The following NRXN1 variants were observed in gnomAD, a reference collection of about 807,000 sequenced individuals.
NRXN1 encodes neurexin 1, also known as neurexin-1.
A neutral mutation model predicts 150.9 loss-of-function variants in NRXN1; 39 were observed. The ratio of observed to expected loss-of-function variants is 0.26; its 90% CI spans 0.20 to 0.34. NRXN1 has a LOEUF of 0.34. Ranked by LOEUF, NRXN1 falls within the 10% of genes least tolerant of loss-of-function variation. The pLI is 1.00. For synonymous variants in NRXN1, 924 were observed against 757.0 expected, an observed-to-expected ratio of 1.22 and a Z score of -3.62; for missense variants, 1,815 against 1,949.9, an observed-to-expected ratio of 0.93 and a Z score of 1.30.
At chr2:50,434,390 C>T (rs2104399092) in intron 17 of NRXN1, among the ~76,000 whole-genome samples, 1 of 152,014 alleles carries the variant, frequency 6.6e-6, no homozygotes, top group Non-Finnish European at 1.5e-5. Context: ...CCATCTTTTG[C>T]TTTTTCTATG....
chr2:50,362,709 C>G (rs1407005630), intron 17 of NRXN1, among the ~76,000 whole-genome samples: 1 of 152,142 alleles, frequency 6.6e-6, no homozygotes, highest in Non-Finnish European at 1.5e-5. Flanking sequence ...CATCAAGCTA[C>G]CATTGACTTC....
chr2:50,591,315 A>G (rs901096702), intron 8 of NRXN1, among the ~76,000 whole-genome samples: 3 of 152,058 alleles, frequency 2.0e-5, no homozygotes, highest in African/African-American at 7.2e-5. Context: ...TAGTATAAAG[A>G]CTCTGAAGCT....
chr2:50,935,499 C>A (rs1407655400), intron 2 of NRXN1, among the ~76,000 whole-genome samples: 1 of 152,186 alleles, frequency 6.6e-6, no homozygotes, highest in Admixed American at 6.5e-5. Context: ...CTTCGGGAGG[C>A]CAAGGCAGGC....
intron 18 of NRXN1, among the ~76,000 whole-genome samples, chr2:50,231,550 A>G (rs1009417976): frequency 6.6e-6 from 1 of 152,114 alleles, no homozygotes; most frequent in African/African-American, 2.4e-5. Context: ...CCAGCAAAGT[A>G]CAAAGAAGCA....
intron 18 of NRXN1, among the ~76,000 whole-genome samples, chr2:50,183,028 TA>T (rs1211362476): frequency 6.6e-6 from 1 of 152,122 alleles, no homozygotes; most frequent in Non-Finnish European, 1.5e-5. Flanking sequence ...ATATTGAGTC[TA>T]AACCTCCAAT....
At chr2:50,272,296 G>C (rs1021651756) in intron 17 of NRXN1, among the ~76,000 whole-genome samples, 1 of 152,182 alleles carries the variant, frequency 6.6e-6, no homozygotes, top group East Asian at 1.9e-4. Flanking sequence ...CCTACCATCT[G>C]CAAGTGGAGA....
chr2:50,413,229 C>T (rs1199710584), intron 17 of NRXN1, among the ~76,000 whole-genome samples: 2 of 152,146 alleles, frequency 1.3e-5, no homozygotes, highest in Non-Finnish European at 2.9e-5. Flanking sequence ...GATATAACAA[C>T]TTTACAGAAA....
chr2:50,355,125 G>A (rs2078699650), intron 17 of NRXN1, among the ~76,000 whole-genome samples: 1 of 151,854 alleles, frequency 6.6e-6, no homozygotes, highest in Non-Finnish European at 1.5e-5. Context: ...ATATGTTGTA[G>A]AGCATATACT....
At chr2:50,728,823 C>G (rs992759913) in intron 5 of NRXN1, among the ~76,000 whole-genome samples, 13 of 152,100 alleles carry the variant, frequency 8.5e-5, no homozygotes, top group African/African-American at 2.4e-4. Context: ...TAAATGAAGA[C>G]TGGTATGTTT....
intron 18 of NRXN1, among the ~76,000 whole-genome samples, chr2:50,114,244 A>G (rs1183827422): frequency 1.3e-5 from 2 of 152,198 alleles, no homozygotes; most frequent in East Asian, 3.8e-4. Flanking sequence ...AATGGCAAAT[A>G]CATACATGAA....
chr2:50,796,385 C>T (rs771125316), intron 5 of NRXN1, among the ~76,000 whole-genome samples: 4 of 152,078 alleles, frequency 2.6e-5, no homozygotes, highest in South Asian at 2.1e-4. Context: ...TCTGGCCACA[C>T]GGGTAATATA....
At chr2:50,938,945 C>A (rs1295698520) in intron 2 of NRXN1, among the ~76,000 whole-genome samples, 1 of 152,112 alleles carries the variant, frequency 6.6e-6, no homozygotes, top group Non-Finnish European at 1.5e-5. Context: ...AGCGCGGTGG[C>A]TCATGCCTAT....
chr2:50,274,215 T>C (rs1009153569), intron 17 of NRXN1, among the ~76,000 whole-genome samples: 4 of 152,166 alleles, frequency 2.6e-5, no homozygotes, highest in Admixed American at 6.5e-5. Flanking sequence ...GATGAGTTCA[T>C]GCCCTTCACA....
intron 13 of NRXN1, among the ~76,000 whole-genome samples, chr2:50,502,453 C>A (rs889778957): frequency 1.3e-5 from 2 of 151,752 alleles, no homozygotes; most frequent in African/African-American, 4.8e-5. Flanking sequence ...TACACACACA[C>A]ACGCATACCC....
At chr2:49,957,960 T>C (rs1675272384) in intron 21 of NRXN1, among the ~76,000 whole-genome samples, 1 of 152,172 alleles carries the variant, frequency 6.6e-6, no homozygotes, top group Admixed American at 6.6e-5. Flanking sequence ...TTCTTATACA[T>C]AACTTGACTT....
Position 50,611,580 on chromosome 2 carries a change from T to A in NRXN1, c.1320+8442A>T, listed in dbSNP as rs372167874. Among the ~76,000 whole-genome samples the A allele has an allele frequency of 4.3e-4, 65 of 152,286 alleles. 1 individual carries two copies. Among genetic ancestry groups the A allele is most frequent in the African/African-American group, 1.5e-3 (63 of 41,566 alleles). On this transcript the variant is annotated intron_variant, in intron 8 of 22. Coordinates refer to ENST00000401669, the MANE Select transcript of NRXN1 (RefSeq NM_001330078.2). ...TTCTGCCCCAATTGTTTATTTCCCT[T>A]GCCTCCAAGGCTACAATGCACAGAA...
At chr2:50,238,771 A>G (rs1237283369) in intron 17 of NRXN1, among the ~76,000 whole-genome samples, 1 of 151,968 alleles carries the variant, frequency 6.6e-6, no homozygotes, top group Admixed American at 6.6e-5. Context: ...AATTCCAAAG[A>G]CCTCTGCAAT....
rs767429102 is a variant in NRXN1 at position 50,594,999 on chromosome 2, T to TAA, written c.1320+25021_1320+25022dup. On this transcript the variant is annotated intron_variant, in intron 8 of 22. Coordinates refer to ENST00000401669, the MANE Select transcript of NRXN1 (RefSeq NM_001330078.2). ...ATGAATAAGAGTTGACCTCTCTTCTTAAAAAAAAAAAAAAACAAGCAAAAC... is the reference window on the plus strand; with the variant it reads ...ATGAATAAGAGTTGACCTCTCTTCTTAAAAAAAAAAAAAAAAACAAGCAAAAC... Among the ~76,000 whole-genome samples, 144 of 135,318 alleles carry TAA rather than the reference T, an allele frequency of 1.1e-3. 2 individuals carry two copies. The highest frequency in any genetic ancestry group is 3.6e-3 in the African/African-American group (132 of 36,886). The allele number at this position is 135,318 out of a possible 152,430, so 88.8% of individuals were successfully genotyped here.
chr2:49,993,155 A>G (rs1445406867), intron 21 of NRXN1, among the ~76,000 whole-genome samples: 1 of 152,180 alleles, frequency 6.6e-6, no homozygotes, highest in Non-Finnish European at 1.5e-5. Flanking sequence ...CTTGGAACCA[A>G]CCAAGGTATT....
Sources: gnomAD v4.1 joint callset for allele counts (sites outside exome capture counted in the v4.1 genomes callset) on GRCh38, gnomAD v4.1.1 for gene constraint, MANE v1.5 for transcripts, NCBI Gene and HGNC (gene_info 2026-07-23, HGNC 2026-07-21) for gene names.